Variants in SYNE1 observed in about 807,000 individuals in gnomAD.
The protein encoded by SYNE1 is spectrin repeat containing nuclear envelope protein 1.
SYNE1 carries 616 observed loss-of-function variants against 1,111.0 expected under a neutral mutation model. The ratio of observed to expected loss-of-function variants is 0.55; its 90% CI spans 0.52 to 0.59. The LOEUF is 0.59. Ranked by LOEUF, SYNE1 falls within the 20% of genes least tolerant of loss-of-function variation. The pLI, the probability that SYNE1 is intolerant of heterozygous loss-of-function variation, is 0.00. For missense variants in SYNE1, 10,006 were observed against 10,417.0 expected (o/e 0.96, Z 1.72); for synonymous variants, 3,855 against 3,825.8 (o/e 1.01, Z -0.28).
In SYNE1 at chr6:152,344,143, C is replaced by T. The variant is rs770628441; in HGVS notation, c.12163G>A (p.Val4055Ile). The T allele has an allele frequency of 6.8e-6, 11 of 1,614,252 alleles. No homozygotes were observed. In the South Asian group the frequency reaches 1.1e-4, roughly 16 times the overall value. The change falls in exon 74 of 146, where the codon GTC becomes ATC. Residue 4055 changes from valine (V) to isoleucine (I), a missense_variant. Physicochemically the swap from Val to Ile is conservative, Grantham distance 29. Coordinates refer to ENST00000367255, the MANE Select transcript of SYNE1 (RefSeq NM_182961.4). ...LQQCQAWLSA[V>I]QPDLEPSPQP... ...GGACTTGGCTCTAAATCCGGCTGGA[C>T]TGCAGAAAGCCAGGCCTGGCACTGC...
In SYNE1 at chr6:152,632,686, G is replaced by A. The variant is rs6936725; in HGVS notation, c.-224+3952C>T. Among the ~76,000 whole-genome samples, 544 of 152,194 alleles carry A rather than the reference G, an allele frequency of 3.6e-3. 5 individuals are homozygous for A. Among genetic ancestry groups the A allele is most frequent in the African/African-American group, 0.012 (503 of 41,544 alleles). On this transcript the variant is annotated intron_variant, in intron 2 of 145. Coordinates refer to ENST00000367255, the MANE Select transcript of SYNE1 (RefSeq NM_182961.4). ...CTTAATTCTATCTCTTACTGTGCACGCAGGCTTAAGAAAAATGAGCTTTTC... is the reference window on the plus strand; with the variant it reads ...CTTAATTCTATCTCTTACTGTGCACACAGGCTTAAGAAAAATGAGCTTTTC...
intron 119 of SYNE1, among the ~76,000 whole-genome samples, chr6:152,219,569 C>T (rs186033477): frequency 6.7e-6 from 1 of 150,178 alleles, no homozygotes; most frequent in Admixed American, 6.6e-5. Flanking sequence ...TTTCCTGCCT[C>T]TTTATGTAAT....
Position 152,331,073 on chromosome 6 carries a change from C to T in SYNE1, c.13612G>A (p.Glu4538Lys). 1 of 1,614,164 alleles carries T rather than the reference C, an allele frequency of 6.2e-7. No individual in the cohort carries two copies. Among genetic ancestry groups the T allele is most frequent in the South Asian group, 1.1e-5 (1 of 91,082 alleles). ...EKSEVLGKLQELQSVYDSVLQ... is the reference protein window; with the variant it reads ...EKSEVLGKLQKLQSVYDSVLQ... Reference sequence around the variant, plus strand: ...ACACTGTCATAGACACTCTGCAATTCCTGAAGCTTCCCCAGCACTTCACTC... The same window carrying T: ...ACACTGTCATAGACACTCTGCAATTTCTGAAGCTTCCCCAGCACTTCACTC... Residue 4538 changes from glutamate (E) to lysine (K), a missense_variant, in exon 78 of 146, where the codon GAA (glutamate) becomes AAA (lysine). Transcript: ENST00000367255.
intron 128 of SYNE1, 146 bp downstream of exon 128, chr6:152,189,106 T>C (rs2071429145): frequency 1.3e-6 from 1 of 773,930 alleles, no homozygotes. Flanking sequence ...TGATCTGAAA[T>C]GTTCTGGTAG....
intron 38 of SYNE1, among the ~76,000 whole-genome samples, chr6:152,426,119 A>T (rs1417386191): frequency 6.6e-6 from 1 of 152,224 alleles, no homozygotes; most frequent in South Asian, 2.1e-4. Flanking sequence ...GAATCTCTTA[A>T]GTGCTGTGAG....
intron 40 of SYNE1, 110 bp from the exon 41 acceptor site, chr6:152,417,125 T>C (rs2098166695): frequency 6.7e-7 from 1 of 1,494,286 alleles, no homozygotes; most frequent in Non-Finnish European, 9.2e-7. Context: ...ATGGATAGTA[T>C]AGTACTTAAA....
intron 4 of SYNE1, among the ~76,000 whole-genome samples, chr6:152,526,838 A>G (rs1315878091): frequency 1.3e-5 from 2 of 152,220 alleles, no homozygotes; most frequent in Admixed American, 6.5e-5. Flanking sequence ...GTGCAAATCT[A>G]TCATCGCTGC....
At chr6:152,172,145 A>G (rs1586827569) in intron 130 of SYNE1, among the ~76,000 whole-genome samples, 1 of 152,302 alleles carries the variant, frequency 6.6e-6, no homozygotes, top group East Asian at 1.9e-4. Flanking sequence ...AAAGTAGATT[A>G]GTAGTTTCCC....
chr6:152,404,761 C>T (rs542688770), intron 45 of SYNE1: 30 of 154,570 alleles, frequency 1.9e-4, no homozygotes, highest in Admixed American at 7.0e-4. Flanking sequence ...ATGAATGAAT[C>T]GTTTCAAATA....
Position 152,211,522 on chromosome 6 carries a change from G to A in SYNE1, c.22561C>T (p.Leu7521Phe). ...LHSIIIDGQR[L>F]LEQGQVDDRD... is the part of the protein sequence containing the mutation. The stretch of plus-strand genomic sequence containing the variant: ...TCATCAACTTGACCTTGTTCTAGAA[G>A]ACGTTGCCCATCAATAATGATTGAG... The change falls in exon 124 of 146, where the codon CTT becomes TTT. Residue 7521 changes from leucine (L) to phenylalanine (F), a missense_variant. Transcript: ENST00000367255. The A allele has an allele frequency of 6.2e-7, 1 of 1,613,774 alleles. No individual in the cohort carries two copies. The highest frequency in any genetic ancestry group is 8.5e-7 in the Non-Finnish European group (1 of 1,179,830).
intron 3 of SYNE1, among the ~76,000 whole-genome samples, chr6:152,565,030 T>G (rs2099408028): frequency 6.6e-6 from 1 of 152,252 alleles, no homozygotes; most frequent in African/African-American, 2.4e-5. Flanking sequence ...CTTATTGATT[T>G]AAACATGATA....
chr6:152,331,237 C>T lies in SYNE1; in HGVS notation c.13448G>A (p.Cys4483Tyr), dbSNP rs1441987234. 6.2e-6 allele frequency: 10 copies of T among 1,613,990 alleles called. No homozygotes were observed. Among genetic ancestry groups the T allele is most frequent in the South Asian group, 1.1e-5 (1 of 91,082 alleles). The change falls in exon 78 of 146, where the codon TGT (cysteine) becomes TAT (tyrosine). Residue 4483 changes from cysteine (C) to tyrosine (Y), a missense_variant. By Grantham distance (194) the Cys-to-Tyr change is radical. Around this residue, in one of 7 missense-constraint regions of SYNE1, gnomAD observed 4,955 missense variants for 5,017.2 expected, o/e 0.99. Coordinates refer to ENST00000367255, the MANE Select transcript of SYNE1 (RefSeq NM_182961.4). ...TTTGCTCACATCATCTGGTAACAGA[C>T]AGATGTGTTCACGGAACATTATCTT... The part of the protein sequence containing the change: ...ERKIMFREHI[C>Y]LLPDDVSKQV...
intron 100 of SYNE1, among the ~76,000 whole-genome samples, chr6:152,267,042 G>A (rs556055559): frequency 3.3e-5 from 5 of 151,738 alleles, no homozygotes; most frequent in Admixed American, 6.6e-5. Flanking sequence ...TTTTTGATAC[G>A]GTTACATCAC....
chr6:152,457,741 C>A (rs1033021606), intron 22 of SYNE1, among the ~76,000 whole-genome samples: 9 of 151,806 alleles, frequency 5.9e-5, no homozygotes, highest in African/African-American at 2.2e-4. Flanking sequence ...ATCTGTCTAT[C>A]TATCTATCTA....
At chr6:152,219,726 A>T (rs2079660774) in intron 119 of SYNE1, among the ~76,000 whole-genome samples, 2 of 152,326 alleles carry the variant, frequency 1.3e-5, no homozygotes, top group African/African-American at 4.8e-5. Flanking sequence ...TACAGAACAC[A>T]GTGATGATTT....
At chr6:152,171,009 G>A (rs1262922069) in intron 130 of SYNE1, among the ~76,000 whole-genome samples, 1 of 152,154 alleles carries the variant, frequency 6.6e-6, no homozygotes, top group African/African-American at 2.4e-5. Flanking sequence ...TCTCCTGTCT[G>A]CCACCATGTA....
intron 3 of SYNE1, among the ~76,000 whole-genome samples, chr6:152,545,346 C>A (rs773536970): frequency 8.6e-5 from 13 of 152,004 alleles, no homozygotes; most frequent in African/African-American, 1.2e-4. Context: ...TTGCAAAGCC[C>A]AGGCAGGAGG....
chr6:152,514,815 C>G (rs890151378), intron 6 of SYNE1, among the ~76,000 whole-genome samples: 6 of 152,164 alleles, frequency 3.9e-5, no homozygotes, highest in East Asian at 1.9e-4. Context: ...TAATCCTGGA[C>G]TTCTTGCCTC....
intron 12 of SYNE1, among the ~76,000 whole-genome samples, 185 bp downstream of exon 12, chr6:152,488,211 G>A (rs2098951491): frequency 1.3e-5 from 2 of 152,114 alleles, no homozygotes; most frequent in African/African-American, 4.8e-5. Context: ...TGCAACTTAA[G>A]ACTATCTACA....
Sources: allele counts gnomAD v4.1 joint callset (sites outside exome capture counted in the v4.1 genomes callset), GRCh38; gene constraint gnomAD v4.1.1; regional missense constraint gnomAD v4.1.1; transcripts MANE v1.5; gene names NCBI Gene and HGNC (gene_info 2026-07-23, HGNC 2026-07-21).